The following PLB1 variants were observed in gnomAD, a reference collection of about 807,000 sequenced individuals.
PLB1 encodes phospholipase B1, membrane-associated.
Under a neutral mutation model 227.4 loss-of-function variants are expected in PLB1, and 242 were observed. The ratio of observed to expected loss-of-function variants is 1.06; its 90% CI spans 0.96 to 1.18. The LOEUF (loss-of-function observed/expected upper bound fraction) is 1.18. Ranked by LOEUF, PLB1 falls within the 50% of genes most tolerant of loss-of-function variation. The pLI is 0.00. For synonymous variants in PLB1, 757 were observed against 682.2 expected (o/e 1.11, Z -1.71); for missense variants, 1,858 against 1,816.3 (o/e 1.02, Z -0.42).
chr2:28,596,803 A>G (rs1682996165), intron 33 of PLB1, among the ~76,000 whole-genome samples: 1 of 152,220 alleles, frequency 6.6e-6, no homozygotes, highest in Admixed American at 6.5e-5. Context: ...CCTTCTCTCT[A>G]CCACCTGAAT....
intron 30 of PLB1, among the ~76,000 whole-genome samples, chr2:28,591,485 G>T (rs1681919763): frequency 6.6e-6 from 1 of 152,204 alleles, no homozygotes; most frequent in South Asian, 2.1e-4. Flanking sequence ...TCTTGCATTG[G>T]ACGGTGGAGG....
In PLB1 at chr2:28,585,815, C is replaced by A; in HGVS notation, c.1788C>A (p.Thr596=). ...ATGATAACTCAACAGAACTTGCTAC[C>A]CTCATCGAATTCAACAAGAAGTTTC... is the stretch of plus-strand genomic sequence containing the variant. ...KFDDNSTELA[T]LIEFNKKFQE... The change falls in exon 26 of 58, where the codon ACC becomes ACA. Residue 596 remains threonine (T), a synonymous_variant. Transcript: ENST00000327757. The A allele has an allele frequency of 6.2e-7, 1 of 1,611,762 alleles. No individual in the cohort carries two copies. Among genetic ancestry groups the A allele is most frequent in the Middle Eastern group, 1.7e-4 (1 of 6,058 alleles).
intron 7 of PLB1, 139 bp downstream of exon 7, chr2:28,529,546 C>A: frequency 1.1e-6 from 1 of 946,020 alleles, no homozygotes; most frequent in Non-Finnish European, 1.6e-6. Context: ...AATGCCCCCT[C>A]AAGCTGATTT....
Position 28,601,406 on chromosome 2 carries a change from A to G in PLB1, c.2607+74A>G, listed in dbSNP as rs540318976. On this transcript the variant is annotated intron_variant, in intron 37 of 57. Coordinates refer to ENST00000327757, the MANE Select transcript of PLB1 (RefSeq NM_153021.5). ...GTAGGCGTTGGAGATCTTCCCTGAG[A>G]ACAGTTCCTAAAACCAATCCTAGGA... is the stretch of plus-strand genomic sequence containing the variant. The G allele has an allele frequency of 2.7e-4, 353 of 1,284,690 alleles. No individual in the cohort carries two copies. The Middle Eastern group carries it at 4.2e-3, about 15-fold the overall frequency. The allele number at this position is 1,284,690 out of a possible 1,614,324, so 79.6% of individuals were successfully genotyped here.
At chr2:28,509,975 G>A (rs963969154) in intron 1 of PLB1, among the ~76,000 whole-genome samples, 7 of 152,128 alleles carry the variant, frequency 4.6e-5, no homozygotes, top group Admixed American at 3.9e-4. Flanking sequence ...AGGTCTGGAC[G>A]CTTAACATTT....
chr2:28,639,157 C>T (rs2148351905), intron 56 of PLB1, among the ~76,000 whole-genome samples: 1 of 152,100 alleles, frequency 6.6e-6, no homozygotes, highest in African/African-American at 2.4e-5. Flanking sequence ...AACTACCTAG[C>T]CCTGGGCATT....
intron 1 of PLB1, among the ~76,000 whole-genome samples, 165 bp from the exon 2 acceptor site, chr2:28,516,643 C>A (rs908376100): frequency 6.6e-6 from 1 of 152,184 alleles, no homozygotes; most frequent in Non-Finnish European, 1.5e-5. Flanking sequence ...GTGTCCCACA[C>A]AATGGAGGGG....
chr2:28,591,951 CAGGCACCA>C (rs1682030670), intron 31 of PLB1, among the ~76,000 whole-genome samples, 191 bp downstream of exon 31: 1 of 152,200 alleles, frequency 6.6e-6, no homozygotes, highest in African/African-American at 2.4e-5. Context: ...CCATGCCCAG[CAGGCACCA>C]AGGCACCTAG....
rs912911474 is a variant in PLB1 at position 28,524,828 on chromosome 2, TTCTC to T, written c.244-425_244-422del. On this transcript the variant is annotated intron_variant, in intron 4 of 57. Coordinates refer to ENST00000327757, the MANE Select transcript of PLB1 (RefSeq NM_153021.5). ...AGGAGCCTTCATCTTTCTCTGTAGG[TTCTC>T]TCTCTCTCTCTCTTTTTTTTTTTTT... Among the ~76,000 whole-genome samples, 45 of 147,526 alleles carry T rather than the reference TTCTC, an allele frequency of 3.1e-4. 1 individual carries two copies. In the South Asian group the frequency reaches 4.6e-3, roughly 15 times the overall value.
intron 3 of PLB1, 111 bp downstream of exon 3, chr2:28,518,643 T>A: frequency 1.4e-6 from 1 of 735,000 alleles, no homozygotes; most frequent in Non-Finnish European, 2.4e-6. Context: ...CAAGTCCTCC[T>A]CTTCCTTATC....
At chr2:28,507,307 C>T (rs537279046) in intron 1 of PLB1, among the ~76,000 whole-genome samples, 2 of 152,070 alleles carry the variant, frequency 1.3e-5, no homozygotes, top group Admixed American at 6.6e-5. Flanking sequence ...TTATAATGAA[C>T]AGAAATTTTT....
chr2:28,553,616 G>A (rs981001066), intron 17 of PLB1, among the ~76,000 whole-genome samples: 3 of 152,338 alleles, frequency 2.0e-5, no homozygotes, highest in Admixed American at 6.5e-5. Context: ...GGAAGTCATG[G>A]CCATCTGGTG....
chr2:28,529,835 G>T, intron 8 of PLB1, 56 bp downstream of exon 8: 2 of 1,557,972 alleles, frequency 1.3e-6, no homozygotes, highest in Non-Finnish European at 1.8e-6. Flanking sequence ...CTGCAAGGCG[G>T]GCAGACCGAA....
intron 33 of PLB1, chr2:28,595,528 C>T (rs887911535): frequency 6.6e-6 from 1 of 152,160 alleles, no homozygotes; most frequent in African/African-American, 2.4e-5. Flanking sequence ...TGTGTATTAG[C>T]ATATTAAAGG....
chr2:28,634,442 A>T (rs1016361545), intron 56 of PLB1, among the ~76,000 whole-genome samples: 27 of 152,078 alleles, frequency 1.8e-4, no homozygotes, highest in African/African-American at 6.5e-4. Context: ...GATTCCACAG[A>T]TGCCCTTGGC....
intron 20 of PLB1, among the ~76,000 whole-genome samples, chr2:28,571,970 A>G (rs1055408349): frequency 2.0e-5 from 3 of 152,248 alleles, no homozygotes; most frequent in Non-Finnish European, 4.4e-5. Flanking sequence ...CATATATCAA[A>G]GAAAGTAAAG....
intron 9 of PLB1, among the ~76,000 whole-genome samples, chr2:28,538,007 G>A (rs1301972281): frequency 1.3e-4 from 20 of 152,170 alleles, no homozygotes; most frequent in Non-Finnish European, 2.8e-4. Context: ...CTCAGTGTGA[G>A]CTTCAGAATC....
intron 19 of PLB1, among the ~76,000 whole-genome samples, 183 bp downstream of exon 19, chr2:28,565,536 CA>C (rs1209040536): frequency 1.4e-5 from 2 of 144,488 alleles, no homozygotes; most frequent in East Asian, 4.0e-4. Flanking sequence ...CTACATTGCC[CA>C]AAACAGTAGC....
chr2:28,597,292 C>G (rs1683121704), intron 33 of PLB1, among the ~76,000 whole-genome samples: 1 of 148,860 alleles, frequency 6.7e-6, no homozygotes, highest in South Asian at 2.1e-4. Context: ...AATCCATTGA[C>G]CTGGAATATA....
Sources: gnomAD v4.1 joint callset for allele counts (sites outside exome capture counted in the v4.1 genomes callset) on GRCh38, gnomAD v4.1.1 for gene constraint, MANE v1.5 for transcripts, NCBI Gene and HGNC (gene_info 2026-07-23, HGNC 2026-07-21) for gene names.